SYT17: variants seen among roughly 807,000 people sequenced by gnomAD.
SYT17 encodes the protein synaptotagmin 17.
SYT17 carries 22 observed loss-of-function variants against 46.7 expected under a neutral mutation model. The observed-to-expected ratio is 0.47, with a 90% CI of 0.34 to 0.67. SYT17 has a LOEUF of 0.67. Among genes scored for constraint, SYT17 ranks in the 30% least tolerant of loss-of-function variants. The pLI is 0.01. For synonymous variants in SYT17, 251 were observed against 248.4 expected (o/e 1.01, Z -0.10); for missense variants, 519 against 612.8 (o/e 0.85, Z 1.62).
chr16:19,210,504 A>T (rs1457361534), intron 5 of SYT17, among the ~76,000 whole-genome samples: 9 of 146,324 alleles, frequency 6.2e-5, no homozygotes, highest in Middle Eastern at 3.4e-3. Flanking sequence ...TTTTTTTTTT[A>T]AATACCCTTT....
intron 5 of SYT17, among the ~76,000 whole-genome samples, chr16:19,214,200 G>A (rs1966007152): frequency 6.6e-6 from 1 of 152,176 alleles, no homozygotes; most frequent in African/African-American, 2.4e-5. Flanking sequence ...AGCACCTCAT[G>A]GATGTCTGTA....
intron 5 of SYT17, among the ~76,000 whole-genome samples, chr16:19,204,426 G>C (rs761635327): frequency 2.6e-5 from 4 of 152,098 alleles, no homozygotes; most frequent in Non-Finnish European, 4.4e-5. Context: ...CGAGGGCAGA[G>C]GGTGAGGGAG....
rs986520627 is a variant in SYT17, at chr16:19,239,899, C to G, written c.1228+15061C>G. 7.2e-5 allele frequency among the ~76,000 whole-genome samples: 11 copies of G among 152,350 alleles called. No individual in the cohort carries two copies. The South Asian group carries it at 8.3e-4, about 11-fold the overall frequency. On this transcript the variant is annotated intron_variant, in intron 7 of 7. Transcript: ENST00000355377. ...AGCCACTGTGCACAGTCAGGCACAC[C>G]AGCTGCTGCAGTGGGGCAGGCAGTT...
intron 7 of SYT17, among the ~76,000 whole-genome samples, chr16:19,237,321 G>A (rs978236012): frequency 3.9e-5 from 6 of 152,156 alleles, no homozygotes; most frequent in African/African-American, 1.4e-4. Flanking sequence ...ATTCTAATAA[G>A]TTCCAGGTGA....
At chr16:19,212,769 G>A (rs1196962121) in intron 5 of SYT17, among the ~76,000 whole-genome samples, 1 of 152,224 alleles carries the variant, frequency 6.6e-6, no homozygotes. Context: ...AGACTTCACA[G>A]AGTTGGAGAT....
intron 3 of SYT17, among the ~76,000 whole-genome samples, chr16:19,178,352 T>C (rs1211785581): frequency 2.0e-5 from 3 of 152,058 alleles, no homozygotes; most frequent in African/African-American, 7.2e-5. Context: ...CCCAAAATGC[T>C]GGGATTACAG....
intron 7 of SYT17, among the ~76,000 whole-genome samples, chr16:19,254,975 T>G (rs184974793): frequency 2.3e-3 from 349 of 152,302 alleles, no homozygotes; most frequent in African/African-American, 7.9e-3. Context: ...CAACCTTGAC[T>G]TTCATCTCTT....
At chr16:19,185,978 G>T (rs756636068) in intron 5 of SYT17, among the ~76,000 whole-genome samples, 1 of 152,178 alleles carries the variant, frequency 6.6e-6, no homozygotes, top group Non-Finnish European at 1.5e-5. Context: ...GCCTTCTTGC[G>T]GTAGAGGAGC....
At chr16:19,259,650 A>T (rs994440866) in intron 7 of SYT17, among the ~76,000 whole-genome samples, 5 of 151,956 alleles carry the variant, frequency 3.3e-5, no homozygotes, top group African/African-American at 1.2e-4. Flanking sequence ...GATTTTGTAC[A>T]TAGACTTGTG....
intron 4 of SYT17, 100 bp downstream of exon 4, chr16:19,180,639 C>G: frequency 6.9e-7 from 1 of 1,446,964 alleles, no homozygotes; most frequent in Non-Finnish European, 9.5e-7. Context: ...TGGGGGAGGG[C>G]GGCAGAGTGG....
chr16:19,173,674 G>A (rs1964199120), intron 3 of SYT17, 96 bp downstream of exon 3: 5 of 1,361,606 alleles, frequency 3.7e-6, no homozygotes, highest in Non-Finnish European at 5.0e-6. Context: ...CGGGAGGGAG[G>A]ATTTGGGGGC....
intron 7 of SYT17, among the ~76,000 whole-genome samples, chr16:19,228,055 G>GT (rs1438645218): frequency 1.7e-5 from 2 of 118,910 alleles, no homozygotes; most frequent in Non-Finnish European, 3.4e-5. Flanking sequence ...TATTCTGGGG[G>GT]TGGGGGGGTA....
intron 5 of SYT17, among the ~76,000 whole-genome samples, chr16:19,188,691 C>T (rs540121537): frequency 6.6e-6 from 1 of 152,194 alleles, no homozygotes; most frequent in African/African-American, 2.4e-5. Context: ...GTCTCACAGG[C>T]CTGGAGGCAA....
At chr16:19,242,806 G>A (rs1245033648) in intron 7 of SYT17, among the ~76,000 whole-genome samples, 1 of 152,092 alleles carries the variant, frequency 6.6e-6, no homozygotes, top group Non-Finnish European at 1.5e-5. Context: ...TAGGATTACA[G>A]GTGTGAGCCA....
chr16:19,178,416 C>G, intron 3 of SYT17, among the ~76,000 whole-genome samples: 1 of 152,096 alleles, frequency 6.6e-6, no homozygotes, highest in South Asian at 2.1e-4. Flanking sequence ...CTCAGCCTCC[C>G]AAGTAGCTGG....
rs140915135 is a variant in SYT17, at chr16:19,177,288, G to A, written c.183-3103G>A. Among the ~76,000 whole-genome samples the A allele has an allele frequency of 1.1e-4, 17 of 152,212 alleles. No individual in the cohort carries two copies. In the East Asian group the frequency reaches 3.3e-3, roughly 29 times the overall value. On this transcript the variant is annotated intron_variant, in intron 3 of 7. Transcript: ENST00000355377. The stretch of plus-strand genomic sequence containing the variant: ...ATTCACATGGTGGCCATTATGAATG[G>A]CACCACCTAGGGTTGTGCAGTCTAC...
In SYT17 at chr16:19,216,840, A is replaced by T. The variant is rs561810828; in HGVS notation, c.952-6205A>T. Among the ~76,000 whole-genome samples the T allele has an allele frequency of 3.9e-5, 6 of 152,360 alleles. No individual in the cohort carries two copies. In the South Asian group the frequency reaches 1.2e-3, roughly 32 times the overall value. On this transcript the variant is annotated intron_variant, in intron 5 of 7. Transcript: ENST00000355377. ...TATTGTGAATATTGCCACAATAAAC[A>T]TACATGTGCATGTGTCTTTATAGTA...
intron 5 of SYT17, among the ~76,000 whole-genome samples, chr16:19,221,214 A>G (rs1053629946): frequency 4.1e-5 from 6 of 147,004 alleles, no homozygotes; most frequent in Non-Finnish European, 7.5e-5. Flanking sequence ...AAAAAGAGAG[A>G]GAGAGAATGA....
At chr16:19,190,542 C>T (rs944434101) in intron 5 of SYT17, among the ~76,000 whole-genome samples, 3 of 152,112 alleles carry the variant, frequency 2.0e-5, no homozygotes, top group Non-Finnish European at 4.4e-5. Context: ...TGAAACCCTA[C>T]ACCCATTAAT....
Sources: allele counts gnomAD v4.1 joint callset (sites outside exome capture counted in the v4.1 genomes callset), GRCh38; gene constraint gnomAD v4.1.1; transcripts MANE v1.5; gene names NCBI Gene and HGNC (gene_info 2026-07-23, HGNC 2026-07-21).